ABCC3: variants seen among roughly 807,000 people sequenced by gnomAD.
ABCC3 encodes the protein ATP-binding cassette sub-family C member 3.
In ABCC3, 121 loss-of-function variants were observed where a neutral mutation model predicts 165.3. The observed-to-expected ratio is 0.73, with a 90% confidence interval of 0.63 to 0.85. The LOEUF is 0.85. ABCC3 is among the 40% of genes least tolerant of loss of function. The pLI is 0.00. For missense variants in ABCC3, 1,869 were observed against 1,964.1 expected, an observed-to-expected ratio of 0.95 and a Z score of 0.92; for synonymous variants, 733 against 810.1, an observed-to-expected ratio of 0.90 and a Z score of 1.62.
At chr17:50,655,507 A>G (rs919539426) in intron 1 of ABCC3, among the ~76,000 whole-genome samples, 2 of 152,086 alleles carry the variant, frequency 1.3e-5, no homozygotes, top group African/African-American at 4.8e-5. Flanking sequence ...ACCATAAGGT[A>G]ACATGGGAGC....
intron 8 of ABCC3, 45 bp from the exon 9 acceptor site, chr17:50,663,636 C>G: frequency 1.2e-6 from 2 of 1,600,104 alleles, no homozygotes; most frequent in Non-Finnish European, 1.7e-6. Context: ...AGGGAGCAGC[C>G]ATGGGGGCAG....
intron 1 of ABCC3, chr17:50,635,382 A>G: frequency 1.5e-6 from 1 of 662,846 alleles, no homozygotes; most frequent in South Asian, 1.6e-5. Context: ...CATCTGCCTC[A>G]GGTTAGGACT....
chr17:50,652,907 A>G (rs994160901), intron 1 of ABCC3, among the ~76,000 whole-genome samples: 21 of 152,240 alleles, frequency 1.4e-4, no homozygotes, highest in Non-Finnish European at 3.1e-4. Flanking sequence ...GGAATCTGAG[A>G]TAGAACTCAC....
intron 12 of ABCC3, 30 bp downstream of exon 12, chr17:50,667,787 C>T (rs1967556716): frequency 6.2e-7 from 1 of 1,613,962 alleles, no homozygotes; most frequent in South Asian, 1.1e-5. Context: ...TGGGTCCCTG[C>T]CTCCAGGGCT....
At chr17:50,635,087 G>A in intron 1 of ABCC3, 106 bp downstream of exon 1, 1 of 1,189,518 alleles carries the variant, frequency 8.4e-7, no homozygotes. Flanking sequence ...TCCCGGGACG[G>A]AGCCCCTGAG....
intron 1 of ABCC3, chr17:50,643,649 C>T (rs1348044277): frequency 4.4e-6 from 2 of 456,168 alleles, no homozygotes; most frequent in South Asian, 1.5e-5. Flanking sequence ...GAAGGGTGCT[C>T]AAGATGAAGA....
chr17:50,673,263 G>T lies in ABCC3; in HGVS notation c.2409+125G>T, dbSNP rs184452077. 7.5e-5 allele frequency: 100 copies of T among 1,341,264 alleles called. 1 individual carries two copies. In the African/African-American group the frequency reaches 1.2e-3, roughly 16 times the overall value. 83.1% of individuals were successfully genotyped at this position (1,341,264 alleles called of 1,614,324 possible). ...GGGGGCGCAAGAAGTGGGCATGTGG[G>T]TTGGGCATCAGGAGAAACCTGTGGG... On this transcript the variant is annotated intron_variant, in intron 18 of 30. Transcript: ENST00000285238.
rs145720152 is a variant in ABCC3, at chr17:50,641,388, C to A, written c.45+6407C>A. ...GCCTTGAGTAGGGATCGTCATCCTG[C>A]CCTGCAGGGATTCAGGGAGTGTTAC... On this transcript the variant is annotated intron_variant, in intron 1 of 30. Transcript: ENST00000285238. Among the ~76,000 whole-genome samples, 847 of 152,320 alleles carry A rather than the reference C, an allele frequency of 5.6e-3. 9 individuals are homozygous for A. The highest frequency in any genetic ancestry group is 0.019 in the African/African-American group (791 of 41,566).
intron 1 of ABCC3, among the ~76,000 whole-genome samples, chr17:50,649,394 G>C (rs1254528009): frequency 2.0e-5 from 3 of 152,102 alleles, no homozygotes; most frequent in African/African-American, 7.2e-5. Context: ...GCCTTATGTG[G>C]ACATGTTCTG....
intron 2 of ABCC3, 104 bp downstream of exon 2, chr17:50,656,112 G>A: frequency 1.0e-6 from 1 of 987,670 alleles, no homozygotes; most frequent in East Asian, 3.6e-5. Context: ...TAGAGACAGA[G>A]TCTCACTCTG....
intron 25 of ABCC3, among the ~76,000 whole-genome samples, chr17:50,678,425 T>C (rs1365510742): frequency 6.6e-6 from 1 of 152,124 alleles, no homozygotes; most frequent in Non-Finnish European, 1.5e-5. Context: ...ATGTTCCTAC[T>C]TTCCTTCCCC....
chr17:50,673,985 T>TTTCCTTCCTTC (rs1967730833), intron 19 of ABCC3, among the ~76,000 whole-genome samples: 1 of 4,132 alleles, frequency 2.4e-4, no homozygotes, highest in Non-Finnish European at 4.4e-4. Context: ...TCTTTCTCTC[T>TTTCCTTCCTTC]CTCTCTCTCT....
intron 20 of ABCC3, 39 bp downstream of exon 20, chr17:50,675,515 A>C (rs1318319173): frequency 1.2e-6 from 2 of 1,600,916 alleles, no homozygotes; most frequent in Non-Finnish European, 1.7e-6. Context: ...CGGAGGCTGT[A>C]TCAGGCCTCC....
In ABCC3 at chr17:50,664,061, C is replaced by A. The variant is rs1465338261; in HGVS notation, c.1288C>A (p.Leu430Met). 6.2e-7 allele frequency: 1 copy of A among 1,614,138 alleles called. No individual in the cohort carries two copies. The highest frequency in any genetic ancestry group is 8.5e-7 in the Non-Finnish European group (1 of 1,180,052). The change falls in exon 10 of 31, where the codon CTG becomes ATG. Residue 430 changes from leucine (L) to methionine (M), a missense_variant. Physicochemically the swap from Leu to Met is conservative, Grantham distance 15. Coordinates refer to ENST00000285238, the MANE Select transcript of ABCC3 (RefSeq NM_003786.4). ...GGACCTTGCCCCCTTCCTCAATCTG[C>A]TGTGGTCAGCACCCCTGCAGATCAT... ...FMDLAPFLNL[L>M]WSAPLQIILA...
intron 21 of ABCC3, 36 bp from the exon 22 acceptor site, chr17:50,675,847 T>C (rs1207613989): frequency 1.9e-6 from 3 of 1,610,822 alleles, no homozygotes; most frequent in Non-Finnish European, 2.5e-6. Context: ...GTTTATGGAG[T>C]CCCCTGTCCC....
At chr17:50,664,762 G>A (rs1967484162) in intron 10 of ABCC3, 2 of 190,628 alleles carry the variant, frequency 1.0e-5, no homozygotes. Context: ...GCATTGGTGG[G>A]GATGGAGGGA....
intron 1 of ABCC3, 54 bp downstream of exon 1, chr17:50,635,035 G>T (rs2054165562): frequency 3.2e-6 from 4 of 1,249,820 alleles, no homozygotes; most frequent in African/African-American, 1.5e-5. Flanking sequence ...GGCCGGCTTC[G>T]CCCGGTCCCC....
chr17:50,673,913 TTTC>T (rs1967708743), intron 19 of ABCC3, among the ~76,000 whole-genome samples: 1 of 12,436 alleles, frequency 8.0e-5, no homozygotes, highest in Non-Finnish European at 1.5e-4. Flanking sequence ...TCTTTCTTTC[TTTC>T]TTTCTTTCTT....
chr17:50,687,324 CT>C, intron 29 of ABCC3: 1 of 553,968 alleles, frequency 1.8e-6, no homozygotes, highest in Non-Finnish European at 3.2e-6. Flanking sequence ...TTCACAATGC[CT>C]TTTAGCACTG....
Sources: gnomAD v4.1 joint callset for allele counts (sites outside exome capture counted in the v4.1 genomes callset) on GRCh38, gnomAD v4.1.1 for gene constraint, MANE v1.5 for transcripts, NCBI Gene and HGNC (gene_info 2026-07-23, HGNC 2026-07-21) for gene names.